Variants in ENPP1 observed in about 807,000 individuals in gnomAD.
ENPP1 encodes ectonucleotide pyrophosphatase/phosphodiesterase family member 1.
Under a neutral mutation model 122.8 loss-of-function variants are expected in ENPP1, and 73 were observed. The observed-to-expected ratio is 0.59, with a 90% CI of 0.49 to 0.72. The LOEUF (loss-of-function observed/expected upper bound fraction) is 0.72, where lower values mean the gene tolerates loss of function less well. Ranked by LOEUF, ENPP1 falls within the 30% of genes least tolerant of loss-of-function variation. The probability of loss-of-function intolerance (pLI) is 0.00; values close to 1 mark genes in which losing one functional copy is unlikely to be tolerated. For missense variants in ENPP1, 978 were observed against 1,128.1 expected (o/e 0.87, Z 1.91); for synonymous variants, 367 against 391.6 (o/e 0.94, Z 0.74).
chr6:131,852,350 A>C (rs1030927839), intron 5 of ENPP1, 115 bp downstream of exon 5: 2 of 707,676 alleles, frequency 2.8e-6, no homozygotes, highest in African/African-American at 1.8e-5. Context: ...TAAACATTAC[A>C]GGTTGAGTAT....
At chr6:131,845,042 GGTTTTTTTTTTTTT>G (rs969850675) in intron 1 of ENPP1, among the ~76,000 whole-genome samples, 5 of 119,082 alleles carry the variant, frequency 4.2e-5, no homozygotes, top group African/African-American at 1.8e-4. Flanking sequence ...AATTCTTCAT[GGTTTTTTTTTTTTT>G]TTTTTTTTTT....
intron 1 of ENPP1, among the ~76,000 whole-genome samples, chr6:131,824,104 C>CT (rs753321998): frequency 4.0e-5 from 6 of 151,882 alleles, no homozygotes; most frequent in Admixed American, 6.6e-5. Context: ...TACTTACTGT[C>CT]TGTTTTTTAG....
intron 1 of ENPP1, among the ~76,000 whole-genome samples, chr6:131,816,568 G>A (rs2114653874): frequency 6.6e-6 from 1 of 152,274 alleles, no homozygotes; most frequent in East Asian, 1.9e-4. Context: ...CACATTTAAG[G>A]TTTTTCAAAA....
rs376817821 is a variant in ENPP1, at chr6:131,845,043, G to T, written c.241-2733G>T. On this transcript the variant is annotated intron_variant, in intron 1 of 24. Transcript: ENST00000647893. ...ATAAATACAATTTCAATTCTTCATGGTTTTTTTTTTTTTTTTTTTTTTTTT... is the reference window on the plus strand; with the variant it reads ...ATAAATACAATTTCAATTCTTCATGTTTTTTTTTTTTTTTTTTTTTTTTTT... Among the ~76,000 whole-genome samples the T allele has an allele frequency of 5.8e-3, 493 of 84,968 alleles. 7 individuals are homozygous for T. The highest frequency in any genetic ancestry group is 0.022 in the African/African-American group (440 of 19,868). The allele number at this position is 84,968 out of a possible 152,430, so 55.7% of individuals were successfully genotyped here.
chr6:131,819,451 A>G (rs1484576836), intron 1 of ENPP1, among the ~76,000 whole-genome samples: 1 of 152,260 alleles, frequency 6.6e-6, no homozygotes, highest in Non-Finnish European at 1.5e-5. Flanking sequence ...TGTTAAATAC[A>G]CAGCCTTTTA....
chr6:131,877,869 ATATATATATATATATAT>A lies in ENPP1; in HGVS notation c.1894-672_1894-656del, dbSNP rs1782255030. Reference sequence around the variant, plus strand: ...AAAAAAAAAAAAAAAAAAAAAAAATATATATATATATATATATATATATATATATAGCAATTTGGAGA... The same window carrying A: ...AAAAAAAAAAAAAAAAAAAAAAAATAATATATATATATAGCAATTTGGAGA... On this transcript the variant is annotated intron_variant, in intron 18 of 24. Coordinates refer to ENST00000647893, the MANE Select transcript of ENPP1 (RefSeq NM_006208.3). The A allele has an allele frequency of 4.9e-4, 26 of 52,850 alleles. 1 individual carries two copies. Among genetic ancestry groups the A allele is most frequent in the Non-Finnish European group, 9.2e-4 (24 of 26,144 alleles). 3.3% of individuals were successfully genotyped at this position (52,850 alleles called of 1,614,324 possible). A position where few individuals can be genotyped will look rare whatever the true frequency, so the allele number is the denominator to read the frequency against.
rs1781558367 is a variant in ENPP1 at position 131,827,377 on chromosome 6, C to T, written c.240+19102C>T. 16 of 837,564 alleles carry T rather than the reference C, an allele frequency of 1.9e-5. 1 individual carries two copies. Among genetic ancestry groups the T allele is most frequent in the Non-Finnish European group, 2.5e-5 (12 of 482,432 alleles). 51.9% of individuals were successfully genotyped at this position (837,564 alleles called of 1,614,324 possible). On this transcript the variant is annotated intron_variant, in intron 1 of 24. Transcript: ENST00000647893. ...CTATAGTTGCTTTTTTCTCTTAACA[C>T]CTCAAAGGAATATTGCTTCATGGAT...
At chr6:131,866,177 T>A (rs1318998665) in intron 11 of ENPP1, among the ~76,000 whole-genome samples, 1 of 152,110 alleles carries the variant, frequency 6.6e-6, no homozygotes, top group East Asian at 1.9e-4. Flanking sequence ...ATCCCTCCTG[T>A]CAGAATCCTT....
Position 131,851,238 on chromosome 6 carries a change from G to A in ENPP1, c.527G>A (p.Cys176Tyr). The A allele has an allele frequency of 6.2e-7, 1 of 1,614,132 alleles. No individual in the cohort carries two copies. The highest frequency in any genetic ancestry group is 8.5e-7 in the Non-Finnish European group (1 of 1,179,978). Residue 176 changes from cysteine (C) to tyrosine (Y), a missense_variant, in exon 4 of 25, where the codon TGC becomes TAC. Around this residue, in one of 3 missense-constraint regions of ENPP1, gnomAD observed 330 missense variants for 328.5 expected, o/e 1.00. Coordinates refer to ENST00000647893, the MANE Select transcript of ENPP1 (RefSeq NM_006208.3). ...CSDDCKDKGD[C>Y]CINYSSVCQG... ...GATGACTGCAAGGACAAGGGCGACT[G>A]CTGCATCAACTACAGTTCTGTGTGT...
intron 9 of ENPP1, among the ~76,000 whole-genome samples, chr6:131,863,910 G>A (rs181708089): frequency 0.018 from 2,766 of 152,090 alleles, 100 homozygotes; most frequent in African/African-American, 0.064. Context: ...GTGAGACTCT[G>A]TCTCAAAAAA....
intron 1 of ENPP1, chr6:131,827,126 G>A (rs1305637857): frequency 7.0e-6 from 5 of 709,744 alleles, no homozygotes; most frequent in Non-Finnish European, 1.3e-5. Flanking sequence ...TTGTCTGGAA[G>A]ACTGTTGAGC....
In ENPP1 at chr6:131,808,255, A is replaced by T; in HGVS notation, c.220A>T (p.Thr74Ser). 1.3e-6 allele frequency: 2 copies of T among 1,516,304 alleles called. No individual in the cohort carries two copies. The highest frequency in any genetic ancestry group is 1.8e-6 in the Non-Finnish European group (2 of 1,131,430). 93.9% of individuals were successfully genotyped at this position (1,516,304 alleles called of 1,614,324 possible). Reference sequence around the variant, plus strand: ...CGCCCGCACTGCCAAGGACCCCAACACCTATAAAGTACTCTCGCTGGTAGG... The same window carrying T: ...CGCCCGCACTGCCAAGGACCCCAACTCCTATAAAGTACTCTCGCTGGTAGG... ...ARARTAKDPN[T>S]YKVLSLVLSV... The change falls in exon 1 of 25, where the codon ACC becomes TCC. Residue 74 changes from threonine (T) to serine (S), a missense_variant. Around this residue, in one of 3 missense-constraint regions of ENPP1, gnomAD observed 330 missense variants for 328.5 expected, o/e 1.00. Transcript: ENST00000647893.
intron 1 of ENPP1, among the ~76,000 whole-genome samples, chr6:131,835,760 C>A (rs926604788): frequency 5.9e-5 from 9 of 152,062 alleles, no homozygotes; most frequent in Non-Finnish European, 1.2e-4. Context: ...TTGTTCCCCC[C>A]TCATGTGTCC....
In ENPP1 at chr6:131,863,331, T is replaced by C. The variant is rs534071078; in HGVS notation, c.1026-1175T>C. The stretch of plus-strand genomic sequence containing the variant: ...TGTGATATTTGAAATCCATGATGCA[T>C]TGAGAAAATACAAAAACTTTTTAAT... On this transcript the variant is annotated intron_variant, in intron 9 of 24. Coordinates refer to ENST00000647893, the MANE Select transcript of ENPP1 (RefSeq NM_006208.3). 1.2e-4 allele frequency among the ~76,000 whole-genome samples: 19 copies of C among 152,302 alleles called. No homozygotes were observed. In the South Asian group the frequency reaches 3.7e-3, roughly 30 times the overall value.
intron 1 of ENPP1, among the ~76,000 whole-genome samples, chr6:131,845,238 G>C (rs1215040118): frequency 4.0e-5 from 6 of 151,032 alleles, no homozygotes; most frequent in Admixed American, 4.0e-4. Context: ...TCACCATCTT[G>C]GCCAGGCTGG....
chr6:131,869,036 C>A (rs1480129359), intron 12 of ENPP1, among the ~76,000 whole-genome samples: 1 of 152,110 alleles, frequency 6.6e-6, no homozygotes, highest in Non-Finnish European at 1.5e-5. Context: ...CAGTTAATAT[C>A]CTAGGTGGTT....
chr6:131,837,005 G>A (rs1457848009), intron 1 of ENPP1, among the ~76,000 whole-genome samples: 1 of 152,114 alleles, frequency 6.6e-6, no homozygotes, highest in Non-Finnish European at 1.5e-5. Context: ...CTTATGTGTG[G>A]ATCTGTGCAG....
chr6:131,869,457 G>A lies in ENPP1; in HGVS notation c.1373G>A (p.Arg458Lys). ...KVIYGPAARL[R>K]PSDVPDKYYS... is the part of the protein sequence containing the mutation. ...ATCTATGGACCTGCAGCTCGATTGAGACCCTCTGATGTCCCAGATAAATAC... is the reference window on the plus strand; with the variant it reads ...ATCTATGGACCTGCAGCTCGATTGAAACCCTCTGATGTCCCAGATAAATAC... The change falls in exon 13 of 25, where the codon AGA becomes AAA. Residue 458 changes from arginine to lysine, a missense_variant. This residue lies in a region of ENPP1 where 644 missense variants were observed against 781.5 expected (regional missense o/e 0.82). Transcript: ENST00000647893. 6.2e-7 allele frequency: 1 copy of A among 1,613,348 alleles called. No homozygotes were observed. Among genetic ancestry groups the A allele is most frequent in the Non-Finnish European group, 8.5e-7 (1 of 1,179,444 alleles).
At chr6:131,851,099 G>T in intron 3 of ENPP1, 43 bp from the exon 4 acceptor site, 1 of 1,610,456 alleles carries the variant, frequency 6.2e-7, no homozygotes, top group Non-Finnish European at 8.5e-7. Context: ...TGGACATGTT[G>T]AATTTGAGAC....
Sources: allele counts gnomAD v4.1 joint callset (sites outside exome capture counted in the v4.1 genomes callset), GRCh38; gene constraint gnomAD v4.1.1; regional missense constraint gnomAD v4.1.1; transcripts MANE v1.5; gene names NCBI Gene and HGNC (gene_info 2026-07-23, HGNC 2026-07-21).